NR2C1: variants seen among roughly 807,000 people sequenced by gnomAD.
The protein encoded by NR2C1 is TR2 nuclear hormone receptor.
In NR2C1, 33 loss-of-function variants were observed where a neutral mutation model predicts 74.8. The ratio of observed to expected loss-of-function variants is 0.44; its 90% CI spans 0.33 to 0.59. NR2C1 has a LOEUF of 0.59. Among genes scored for constraint, NR2C1 ranks in the 20% least tolerant of loss-of-function variants. NR2C1 has a pLI of 0.02. For synonymous variants in NR2C1, 225 were observed against 240.6 expected, an observed-to-expected ratio of 0.94 and a Z score of 0.60; for missense variants, 568 against 715.6, an observed-to-expected ratio of 0.79 and a Z score of 2.35.
At chr12:95,056,755 G>A (rs1485000042) in intron 7 of NR2C1, among the ~76,000 whole-genome samples, 1 of 152,086 alleles carries the variant, frequency 6.6e-6, no homozygotes, top group African/African-American at 2.4e-5. Flanking sequence ...TCAGGCGATC[G>A]AGACCATCCT....
At chr12:95,065,792 A>G (rs1158422071) in intron 2 of NR2C1, among the ~76,000 whole-genome samples, 1 of 152,066 alleles carries the variant, frequency 6.6e-6, no homozygotes, top group East Asian at 1.9e-4. Context: ...TCTATTAAAA[A>G]TACAAAATTT....
chr12:95,057,985 T>A lies in NR2C1; in HGVS notation c.545-107A>T, dbSNP rs1874177521. 10 of 931,434 alleles carry A rather than the reference T, an allele frequency of 1.1e-5. No homozygotes were observed. The South Asian group carries it at 1.7e-4, about 15-fold the overall frequency. The allele number at this position is 931,434 out of a possible 1,614,324, so 57.7% of individuals were successfully genotyped here. The stretch of plus-strand genomic sequence containing the variant: ...CTGCTAATAGGAGACATGGCTACCA[T>A]ACTAAACTCCAAAGATAACCATCAA... On this transcript the variant is annotated intron_variant, in intron 5 of 13. Coordinates refer to ENST00000333003, the MANE Select transcript of NR2C1 (RefSeq NM_003297.4).
chr12:95,066,475 C>T (rs1040571522), intron 2 of NR2C1, among the ~76,000 whole-genome samples: 5 of 152,116 alleles, frequency 3.3e-5, no homozygotes, highest in African/African-American at 7.2e-5. Flanking sequence ...AATTCAGCTT[C>T]GTATTTATTG....
At chr12:95,057,963 C>G in intron 5 of NR2C1, 85 bp from the exon 6 acceptor site, 1 of 1,116,642 alleles carries the variant, frequency 9.0e-7, no homozygotes, top group African/African-American at 1.6e-5. Flanking sequence ...CTTAATGCTG[C>G]TAATAGGAGA....
intron 13 of NR2C1, among the ~76,000 whole-genome samples, chr12:95,022,875 T>G (rs930197530): frequency 6.6e-6 from 1 of 151,814 alleles, no homozygotes; most frequent in African/African-American, 2.4e-5. Flanking sequence ...TGTTTGTTTT[T>G]TTTTTTTTGT....
chr12:95,061,386 G>A (rs900893100), intron 3 of NR2C1, among the ~76,000 whole-genome samples: 2 of 152,138 alleles, frequency 1.3e-5, no homozygotes, highest in African/African-American at 4.8e-5. Context: ...GTATTTACGG[G>A]GGAGTAATAT....
intron 9 of NR2C1, among the ~76,000 whole-genome samples, chr12:95,047,032 A>G (rs1199330456): frequency 6.6e-6 from 1 of 152,206 alleles, no homozygotes; most frequent in East Asian, 1.9e-4. Flanking sequence ...TGTCCAAAAC[A>G]TTTCAAGCAA....
intron 8 of NR2C1, 166 bp from the exon 9 acceptor site, chr12:95,049,399 T>C (rs4923658): frequency 0.05 from 25,477 of 507,390 alleles, 1,038 homozygotes; most frequent in African/African-American, 0.14. Context: ...GGATTACAGG[T>C]ATAAGCCACA....
chr12:95,059,179 G>A lies in NR2C1; in HGVS notation c.365-690C>T, dbSNP rs1244069355. Among the ~76,000 whole-genome samples, 6 of 151,804 alleles carry A rather than the reference G, an allele frequency of 4.0e-5. No homozygotes were observed. In the South Asian group the frequency reaches 1.2e-3, roughly 32 times the overall value. On this transcript the variant is annotated intron_variant, in intron 4 of 13. Coordinates refer to ENST00000333003, the MANE Select transcript of NR2C1 (RefSeq NM_003297.4). ...TAGCAGGGCATGGTGGCACACGCCT[G>A]TAGTCCCAGCTACTCAGAAGGCCGA...
intron 7 of NR2C1, among the ~76,000 whole-genome samples, chr12:95,056,958 CAA>C (rs746993156): frequency 0.016 from 1,166 of 73,242 alleles, 15 homozygotes; most frequent in African/African-American, 0.052. Context: ...GACTCCATCT[CAA>C]AAAAAAAAAA....
chr12:95,047,232 C>T (rs544239803), intron 9 of NR2C1, among the ~76,000 whole-genome samples: 5 of 152,190 alleles, frequency 3.3e-5, no homozygotes, highest in East Asian at 1.9e-4. Context: ...ATTTAGAATA[C>T]GAAAGAACAA....
chr12:95,058,970 A>G (rs1051987741), intron 4 of NR2C1, among the ~76,000 whole-genome samples: 1 of 152,164 alleles, frequency 6.6e-6, no homozygotes, highest in Non-Finnish European at 1.5e-5. Flanking sequence ...TTATTTTTAA[A>G]TGATTCCTTT....
intron 1 of NR2C1, among the ~76,000 whole-genome samples, chr12:95,070,559 A>G (rs1400935636): frequency 2.6e-5 from 4 of 152,126 alleles, no homozygotes; most frequent in Non-Finnish European, 5.9e-5. Context: ...AAATTTATTC[A>G]ATTTTCTTCC....
chr12:95,057,239 G>A (rs1426886587), intron 7 of NR2C1, among the ~76,000 whole-genome samples: 1 of 151,150 alleles, frequency 6.6e-6, no homozygotes, highest in African/African-American at 2.4e-5. Flanking sequence ...CGAGTAGCTG[G>A]GATTACAGGC....
At chr12:95,066,371 C>G (rs1875697390) in intron 2 of NR2C1, among the ~76,000 whole-genome samples, 1 of 152,022 alleles carries the variant, frequency 6.6e-6, no homozygotes, top group African/African-American at 2.4e-5. Context: ...GGCACGTGAG[C>G]ACAAAAAATG....
At chr12:95,060,045 C>T in intron 3 of NR2C1, 61 bp from the exon 4 acceptor site, 1 of 1,255,642 alleles carries the variant, frequency 8.0e-7, no homozygotes, top group Non-Finnish European at 1.1e-6. Flanking sequence ...CTCAACAGCA[C>T]TCATTCTATT....
At chr12:95,042,416 T>C (rs1871672903) in intron 9 of NR2C1, among the ~76,000 whole-genome samples, 1 of 152,002 alleles carries the variant, frequency 6.6e-6, no homozygotes. Flanking sequence ...TTGTACCACG[T>C]TGGCCAGGCT....
chr12:95,068,593 G>C (rs1487167751), intron 1 of NR2C1, among the ~76,000 whole-genome samples: 2 of 152,142 alleles, frequency 1.3e-5, no homozygotes, highest in African/African-American at 4.8e-5. Flanking sequence ...TCAGGAGTTT[G>C]AGACTAGCCT....
At chr12:95,066,311 G>A (rs900782868) in intron 2 of NR2C1, among the ~76,000 whole-genome samples, 4 of 152,128 alleles carry the variant, frequency 2.6e-5, no homozygotes, top group African/African-American at 9.7e-5. Flanking sequence ...AGACCAGCCT[G>A]GGCAACATGA....
Sources: gnomAD v4.1 joint callset for allele counts (sites outside exome capture counted in the v4.1 genomes callset) on GRCh38, gnomAD v4.1.1 for gene constraint, MANE v1.5 for transcripts, NCBI Gene and HGNC (gene_info 2026-07-23, HGNC 2026-07-21) for gene names.